The following YJU2 variants were observed in gnomAD, a reference collection of about 807,000 sequenced individuals.
The protein encoded by YJU2 is splicing factor YJU2.
In YJU2, 28 loss-of-function variants were observed where a neutral mutation model predicts 39.6. The ratio of observed to expected loss-of-function variants is 0.71; its 90% confidence interval spans 0.52 to 0.97. The LOEUF is 0.97. Ranked by LOEUF, YJU2 falls within the 50% of genes least tolerant of loss-of-function variation. The pLI is 0.00. For missense variants in YJU2, 328 were observed against 430.4 expected (o/e 0.76, Z 2.11); for synonymous variants, 184 against 182.4 (o/e 1.01, Z -0.07).
chr19:4,247,663 GTGT>G lies in YJU2; in HGVS notation c.24+494_24+496del, dbSNP rs1568359716. On this transcript the variant is annotated intron_variant, in intron 1 of 7. Coordinates refer to ENST00000262962, the MANE Select transcript of YJU2 (RefSeq NM_018074.6). ...TGTGTGTGTGTGTGTGTGTGTGTGT[GTGT>G]GTGTGTGTGTGTGTGTGTGTGTGTG... Among the ~76,000 whole-genome samples, 38 of 87,618 alleles carry G rather than the reference GTGT, an allele frequency of 4.3e-4. 4 individuals are homozygous for G. The highest frequency in any genetic ancestry group is 6.5e-4 in the East Asian group (2 of 3,054). The allele number at this position is 87,618 out of a possible 152,430, so 57.5% of individuals were successfully genotyped here. A position where few individuals can be genotyped will look rare whatever the true frequency, so the allele number is the denominator to read the frequency against.
rs1013536367 is a variant in YJU2, at chr19:4,247,090, G to A, written c.-57G>A. 3 of 1,567,260 alleles carry A rather than the reference G, an allele frequency of 1.9e-6. No homozygotes were observed. Among genetic ancestry groups the A allele is most frequent in the Admixed American group, 3.3e-5 (2 of 59,940 alleles). ...AGTAAGGCTTCCGTCGGAAAAGCTCGATAATTACCCAGCCTAACCATTTCT... is the reference window on the plus strand; with the variant it reads ...AGTAAGGCTTCCGTCGGAAAAGCTCAATAATTACCCAGCCTAACCATTTCT... On this transcript the variant is annotated 5_prime_UTR_variant, in exon 1 of 8. Coordinates refer to ENST00000262962, the MANE Select transcript of YJU2 (RefSeq NM_018074.6).
intron 6 of YJU2, 119 bp downstream of exon 6, chr19:4,262,233 C>G: frequency 3.6e-6 from 4 of 1,102,488 alleles, no homozygotes; most frequent in Non-Finnish European, 5.1e-6. Context: ...GAGTCTCGCT[C>G]TGTCGCCTAG....
At chr19:4,249,007 G>A (rs1411882891) in intron 1 of YJU2, among the ~76,000 whole-genome samples, 1 of 152,160 alleles carries the variant, frequency 6.6e-6, no homozygotes, top group Non-Finnish European at 1.5e-5. Context: ...GTATTTAGGA[G>A]AATTAAATGC....
intron 5 of YJU2, 87 bp from the exon 6 acceptor site, chr19:4,261,907 C>T: frequency 2.1e-6 from 3 of 1,460,648 alleles, no homozygotes; most frequent in East Asian, 2.3e-5. Context: ...TCTCCAGGCA[C>T]CCAGGCCCCT....
chr19:4,247,586 TGTGTGTGTGTGTGTGTGTGTGTGTGTG>T (rs1970934322), intron 1 of YJU2, among the ~76,000 whole-genome samples: 1 of 5,816 alleles, frequency 1.7e-4, no homozygotes, highest in Non-Finnish European at 3.2e-4. Context: ...GTGGCGCGTG[TGTGTGTGTGTGTGTGTGTGTGTGTGTG>T]TGTGTGTGTG....
chr19:4,259,403 G>A (rs4807560), intron 5 of YJU2, among the ~76,000 whole-genome samples: 81,668 of 151,336 alleles, frequency 0.54, 23,629 homozygotes, highest in African/African-American at 0.76. Flanking sequence ...TCTTTGAGAC[G>A]GGGTTTTGCT....
chr19:4,261,410 G>A (rs550719095), intron 5 of YJU2, among the ~76,000 whole-genome samples: 1 of 152,076 alleles, frequency 6.6e-6, no homozygotes, highest in South Asian at 2.1e-4. Context: ...AGAATCGCTT[G>A]AACCCAGGAG....
intron 1 of YJU2, among the ~76,000 whole-genome samples, chr19:4,248,778 G>A (rs1163230192): frequency 1.3e-5 from 2 of 152,122 alleles, no homozygotes; most frequent in Non-Finnish European, 2.9e-5. Flanking sequence ...AATTAGCGGG[G>A]AGTGGTGGTG....
intron 1 of YJU2, among the ~76,000 whole-genome samples, chr19:4,248,697 T>A (rs1433641814): frequency 1.3e-5 from 2 of 152,076 alleles, no homozygotes; most frequent in East Asian, 3.9e-4. Context: ...GGCAGGTGGA[T>A]CACCTGAGGT....
chr19:4,256,824 C>T (rs4807553), intron 4 of YJU2, among the ~76,000 whole-genome samples: 60,887 of 151,616 alleles, frequency 0.4, 14,026 homozygotes, highest in African/African-American at 0.64. Flanking sequence ...CACAACATGG[C>T]AGCTGCGTAC....
intron 1 of YJU2, 26 bp from the exon 2 acceptor site, chr19:4,249,202 C>T (rs1377104251): frequency 1.3e-6 from 2 of 1,515,524 alleles, no homozygotes; most frequent in African/African-American, 2.7e-5. Context: ...AAATAACTCC[C>T]CCAACGTTTC....
In YJU2 at chr19:4,268,837, T is replaced by C. The variant is rs917217058; in HGVS notation, c.*141T>C. The C allele has an allele frequency of 1.6e-6, 1 of 636,016 alleles. No individual in the cohort carries two copies. Among genetic ancestry groups the C allele is most frequent in the Non-Finnish European group, 2.8e-6 (1 of 362,714 alleles). The allele number at this position is 636,016 out of a possible 1,614,324, so 39.4% of individuals were successfully genotyped here. ...ACAAGCGCCAGCGTGCTCCAACACA[T>C]AGGGCCACCAGGGGCCTCAGCCCCA... On this transcript the variant is annotated 3_prime_UTR_variant, in exon 8 of 8. Coordinates refer to ENST00000262962, the MANE Select transcript of YJU2 (RefSeq NM_018074.6).
chr19:4,247,583 GT>G (rs1156307440), intron 1 of YJU2, among the ~76,000 whole-genome samples: 1 of 6,420 alleles, frequency 1.6e-4, no homozygotes, highest in Non-Finnish European at 3.2e-4. Flanking sequence ...GGGGTGGCGC[GT>G]GTGTGTGTGT....
chr19:4,258,421 C>T lies in YJU2; in HGVS notation c.585C>T (p.Thr195=), dbSNP rs527648441. The change falls in exon 5 of 8, where the codon ACC becomes ACT. Residue 195 remains threonine, a splice_region_variant and synonymous_variant. Transcript: ENST00000262962. ...AGCAGGAGGAGGACGAGCAGGAGAC[C>T]GCGTGAGTCAGGGCCGGCCCAACCC... ...RQQQEEDEQE[T]AALLEEARKR... is the part of the protein sequence containing the mutation. The T allele has an allele frequency of 2.1e-5, 34 of 1,583,218 alleles. No individual in the cohort carries two copies. The highest frequency in any genetic ancestry group is 2.1e-4 in the Middle Eastern group (1 of 4,654).
chr19:4,254,551 A>G lies in YJU2; in HGVS notation c.405+62A>G, dbSNP rs569838163. 975 of 1,472,482 alleles carry G rather than the reference A, an allele frequency of 6.6e-4. 1 individual carries two copies. Among genetic ancestry groups the G allele is most frequent in the South Asian group, 1.0e-3 (74 of 72,710 alleles). 91.2% of individuals were successfully genotyped at this position (1,472,482 alleles called of 1,614,324 possible). A position where few individuals can be genotyped will look rare whatever the true frequency, so the allele number is the denominator to read the frequency against. On this transcript the variant is annotated intron_variant, in intron 4 of 7. Coordinates refer to ENST00000262962, the MANE Select transcript of YJU2 (RefSeq NM_018074.6). ...TGTGTGTGGGTGTGTGTGTGTGCCA[A>G]TGGTTGTGCCCTTCCTGCCTCAGGT...
At chr19:4,265,128 C>T (rs920292852) in intron 6 of YJU2, among the ~76,000 whole-genome samples, 7 of 152,080 alleles carry the variant, frequency 4.6e-5, no homozygotes, top group Non-Finnish European at 8.8e-5. Flanking sequence ...TGTGCCTCTA[C>T]CTGATTTGAT....
At chr19:4,247,702 G>GT (rs906350301) in intron 1 of YJU2, among the ~76,000 whole-genome samples, 7 of 123,508 alleles carry the variant, frequency 5.7e-5, no homozygotes, top group Non-Finnish European at 1.2e-4. Flanking sequence ...TGTGTGTTTT[G>GT]TTTTTTTTAC....
At position 4,268,773 on chromosome 19, in the gene YJU2, T is replaced by A. The variant is rs562579271; in HGVS notation, c.*77T>A. 3.2e-5 allele frequency: 35 copies of A among 1,104,354 alleles called. No individual in the cohort carries two copies. The African/African-American group carries it at 5.1e-4, about 16-fold the overall frequency. 68.4% of individuals were successfully genotyped at this position (1,104,354 alleles called of 1,614,324 possible). A position where few individuals can be genotyped will look rare whatever the true frequency, so the allele number is the denominator to read the frequency against. ...ACATTGAGGCCAGCATTGCTGGTGG[T>A]CAGGGCAGGAGGCCTTGGCGTGACT... On this transcript the variant is annotated 3_prime_UTR_variant, in exon 8 of 8. Coordinates refer to ENST00000262962, the MANE Select transcript of YJU2 (RefSeq NM_018074.6).
At position 4,251,165 on chromosome 19, in the gene YJU2, C is replaced by G. The variant is rs767237359; in HGVS notation, c.264C>G (p.Thr88=). 6.2e-7 allele frequency: 1 copy of G among 1,613,706 alleles called. No individual in the cohort carries two copies. Among genetic ancestry groups the G allele is most frequent in the Non-Finnish European group, 8.5e-7 (1 of 1,179,786 alleles). Residue 88 remains threonine (T), a synonymous_variant, in exon 3 of 8, where the codon ACC becomes ACG. Transcript: ENST00000262962. ...GCACGCGCTGCCTGGCAGAGATCAC[C>G]TTCAAGGTAGGTGAGACGGCCGGCC... ...IKCTRCLAEI[T]FKTDPENTDY... is the part of the protein sequence containing the mutation.
Sources: allele counts gnomAD v4.1 joint callset (sites outside exome capture counted in the v4.1 genomes callset), GRCh38; gene constraint gnomAD v4.1.1; transcripts MANE v1.5; gene names NCBI Gene and HGNC (gene_info 2026-07-23, HGNC 2026-07-21).